The following LRRK1 variants were observed in gnomAD, a reference collection of about 807,000 sequenced individuals.
The protein encoded by LRRK1 is leucine rich repeat kinase 1.
LRRK1 carries 113 observed loss-of-function variants against 209.1 expected under a neutral mutation model. The observed-to-expected ratio is 0.54, with a 90% confidence interval of 0.46 to 0.63. The LOEUF is 0.63. Among genes scored for constraint, LRRK1 ranks in the 30% least tolerant of loss-of-function variants. The probability of loss-of-function intolerance (pLI) is 0.00; values close to 1 mark genes in which losing one functional copy is unlikely to be tolerated. For synonymous variants in LRRK1, 1,144 were observed against 1,099.7 expected (o/e 1.04, Z -0.80); for missense variants, 2,284 against 2,632.2 (o/e 0.87, Z 2.89).
intron 29 of LRRK1, among the ~76,000 whole-genome samples, chr15:101,060,149 CGGGCAGCCAAGCA>C (rs2036074549): frequency 6.6e-6 from 1 of 152,016 alleles, no homozygotes; most frequent in South Asian, 2.1e-4. Flanking sequence ...TGGGAGCACA[CGGGCAGCCAAGCA>C]GGGGAGCCAG....
At chr15:101,054,318 C>T (rs928848451) in intron 26 of LRRK1, among the ~76,000 whole-genome samples, 4 of 152,230 alleles carry the variant, frequency 2.6e-5, no homozygotes, top group Non-Finnish European at 5.9e-5. Flanking sequence ...CGTAGGACAG[C>T]CTTGACCTGA....
intron 21 of LRRK1, among the ~76,000 whole-genome samples, chr15:101,047,861 A>G (rs1418806045): frequency 6.6e-6 from 1 of 152,210 alleles, no homozygotes; most frequent in East Asian, 1.9e-4. Flanking sequence ...AATCAGAGAA[A>G]GCTCTGTGCC....
chr15:101,000,211 G>C (rs764185797), intron 6 of LRRK1, among the ~76,000 whole-genome samples: 2 of 152,174 alleles, frequency 1.3e-5, no homozygotes, highest in Non-Finnish European at 2.9e-5. Context: ...TTACATCATA[G>C]AGTCCTCACA....
At chr15:100,996,712 T>C (rs1417056776) in intron 6 of LRRK1, among the ~76,000 whole-genome samples, 2 of 152,148 alleles carry the variant, frequency 1.3e-5, no homozygotes, top group African/African-American at 2.4e-5. Context: ...GCAGAATAAG[T>C]GAAGGGGAAC....
intron 6 of LRRK1, among the ~76,000 whole-genome samples, chr15:101,007,968 C>G (rs2085279): frequency 0.46 from 70,039 of 151,154 alleles, 17,030 homozygotes; most frequent in East Asian, 0.69. Context: ...CTGAGCTCGA[C>G]GAACATGGTG....
At chr15:101,044,230 T>C (rs7174996) in intron 20 of LRRK1, 63,771 of 152,038 alleles carry the variant, frequency 0.42, 13,750 homozygotes, top group South Asian at 0.45. Context: ...CTCCATGAAC[T>C]CCCTGGAAGT....
At chr15:100,933,606 G>C (rs7181110) in intron 2 of LRRK1, among the ~76,000 whole-genome samples, 8,045 of 151,982 alleles carry the variant, frequency 0.053, 583 homozygotes, top group African/African-American at 0.17. Context: ...CAGATCACTT[G>C]AAGTCAGGAG....
intron 12 of LRRK1, among the ~76,000 whole-genome samples, chr15:101,017,372 A>G (rs1187136733): frequency 6.6e-6 from 1 of 152,224 alleles, no homozygotes; most frequent in African/African-American, 2.4e-5. Flanking sequence ...TGACTGAAAA[A>G]GGAATATCAG....
rs753639660 is a variant in LRRK1, at chr15:101,068,692, G to T, written c.5892G>T (p.Val1964=). 2 of 1,604,074 alleles carry T rather than the reference G, an allele frequency of 1.2e-6. No individual in the cohort carries two copies. The highest frequency in any genetic ancestry group is 1.7e-5 in the Admixed American group (1 of 59,164). ...GCAGGGTGCTGGTGGATGCTGCCGT[G>T]GTGGCAAAGGACACTGTTGTGTGCA... is the stretch of plus-strand genomic sequence containing the variant. ...TPHGVLVDAA[V]VAKDTVVCTF... The change falls in exon 34 of 34, where the codon GTG becomes GTT. Residue 1964 remains valine (V), a synonymous_variant. Transcript: ENST00000388948.
intron 3 of LRRK1, among the ~76,000 whole-genome samples, chr15:100,974,672 A>G (rs986347715): frequency 1.3e-5 from 2 of 152,178 alleles, no homozygotes; most frequent in African/African-American, 4.8e-5. Flanking sequence ...ACGATGCTCT[A>G]TTGAATGTTT....
chr15:100,927,611 A>G (rs187813111), intron 2 of LRRK1, among the ~76,000 whole-genome samples: 3 of 152,320 alleles, frequency 2.0e-5, no homozygotes, highest in African/African-American at 7.2e-5. Flanking sequence ...TTGTGCAGTG[A>G]CCTAATACAG....
intron 2 of LRRK1, among the ~76,000 whole-genome samples, chr15:100,943,530 G>C (rs2042481449): frequency 2.6e-5 from 4 of 151,672 alleles, no homozygotes. Flanking sequence ...AAATAAACAA[G>C]CAGTAGCTTT....
chr15:101,012,223 C>T (rs1359827285), intron 10 of LRRK1, 78 bp downstream of exon 10: 5 of 1,247,746 alleles, frequency 4.0e-6, no homozygotes, highest in Non-Finnish European at 5.6e-6. Flanking sequence ...AATGTATGTG[C>T]TTTTCCTGAG....
At chr15:101,002,284 T>C (rs1385793359) in intron 6 of LRRK1, among the ~76,000 whole-genome samples, 1 of 152,262 alleles carries the variant, frequency 6.6e-6, no homozygotes, top group African/African-American at 2.4e-5. Context: ...ATCTTTCTTA[T>C]ACATCAGTCT....
chr15:100,939,470 T>C lies in LRRK1; in HGVS notation c.97+14741T>C, dbSNP rs1025266689. Among the ~76,000 whole-genome samples the C allele has an allele frequency of 2.6e-5, 4 of 152,354 alleles. No individual in the cohort carries two copies. The South Asian group carries it at 8.3e-4, about 32-fold the overall frequency. ...AAAATGCCCAATAGATGGTGGGTTC[T>C]TCCTCCTGCATCACCTAGTCACAGA... On this transcript the variant is annotated intron_variant, in intron 2 of 33. Coordinates refer to ENST00000388948, the MANE Select transcript of LRRK1 (RefSeq NM_024652.6).
intron 3 of LRRK1, among the ~76,000 whole-genome samples, chr15:100,975,156 G>C (rs1017337240): frequency 6.6e-6 from 1 of 152,230 alleles, no homozygotes; most frequent in Non-Finnish European, 1.5e-5. Flanking sequence ...CTGTGCACAC[G>C]AGCAGGTCAG....
chr15:101,025,013 T>C (rs1397117281), intron 16 of LRRK1, 46 bp downstream of exon 16: 1 of 1,579,920 alleles, frequency 6.3e-7, no homozygotes, highest in Non-Finnish European at 8.6e-7. Flanking sequence ...GCCCAGAGCT[T>C]TGCAGGTCCC....
chr15:100,955,274 TG>T (rs1670645389), intron 2 of LRRK1, among the ~76,000 whole-genome samples: 1 of 152,188 alleles, frequency 6.6e-6, no homozygotes. Flanking sequence ...TAAAAGGGAT[TG>T]TTTTCTTAAT....
chr15:100,978,326 G>A (rs1360986009), intron 3 of LRRK1, among the ~76,000 whole-genome samples: 2 of 152,172 alleles, frequency 1.3e-5, no homozygotes, highest in African/African-American at 4.8e-5. Flanking sequence ...GACTGAAGGA[G>A]AACTCAAAGA....
Sources: allele counts gnomAD v4.1 joint callset (sites outside exome capture counted in the v4.1 genomes callset), GRCh38; gene constraint gnomAD v4.1.1; transcripts MANE v1.5; gene names NCBI Gene and HGNC (gene_info 2026-07-23, HGNC 2026-07-21).